Variants in AUTS2 observed in about 807,000 individuals in gnomAD.
AUTS2 encodes autism susceptibility gene 2 protein.
A neutral mutation model predicts 112.4 loss-of-function variants in AUTS2; 17 were observed. The observed-to-expected ratio is 0.15, with a 90% confidence interval of 0.10 to 0.23. AUTS2 has a LOEUF of 0.23. Among genes scored for constraint, AUTS2 ranks in the 10% least tolerant of loss-of-function variants. The probability of loss-of-function intolerance (pLI) is 1.00; values close to 1 mark genes in which losing one functional copy is unlikely to be tolerated. For missense variants in AUTS2, 1,510 were observed against 1,701.6 expected (o/e 0.89, Z 1.98); for synonymous variants, 751 against 702.7 (o/e 1.07, Z -1.09).
intron 4 of AUTS2, among the ~76,000 whole-genome samples, chr7:70,326,031 G>C (rs1790470311): frequency 1.3e-5 from 2 of 152,078 alleles, no homozygotes. Flanking sequence ...CCTGCTTTTT[G>C]CCCTGCTGAT....
At chr7:70,328,153 T>C (rs1790576794) in intron 4 of AUTS2, among the ~76,000 whole-genome samples, 1 of 152,210 alleles carries the variant, frequency 6.6e-6, no homozygotes. Context: ...GCATATACTC[T>C]CTACTCCAGA....
chr7:70,738,302 C>T (rs1787887866), intron 6 of AUTS2, among the ~76,000 whole-genome samples: 2 of 151,924 alleles, frequency 1.3e-5, no homozygotes, highest in Non-Finnish European at 2.9e-5. Context: ...TCCAATTGGC[C>T]AGAGAAATGG....
intron 4 of AUTS2, among the ~76,000 whole-genome samples, chr7:70,366,208 C>T (rs921262938): frequency 2.0e-5 from 3 of 152,180 alleles, no homozygotes; most frequent in African/African-American, 7.2e-5. Context: ...CCTAATTGAA[C>T]ACCACTTGAA....
At chr7:70,255,584 C>T (rs1453912008) in intron 4 of AUTS2, among the ~76,000 whole-genome samples, 2 of 152,198 alleles carry the variant, frequency 1.3e-5, no homozygotes, top group East Asian at 3.9e-4. Context: ...TTTATAACTT[C>T]AGCTTATATG....
chr7:69,944,177 A>G, intron 2 of AUTS2, among the ~76,000 whole-genome samples: 1 of 152,158 alleles, frequency 6.6e-6, no homozygotes, highest in East Asian at 1.9e-4. Flanking sequence ...TGGCATAGAA[A>G]CTCGACTTGT....
At chr7:70,187,862 A>G (rs1456941336) in intron 4 of AUTS2, among the ~76,000 whole-genome samples, 2 of 145,746 alleles carry the variant, frequency 1.4e-5, no homozygotes, top group Non-Finnish European at 3.0e-5. Context: ...TGCTTATGCC[A>G]GGTAGCTGGA....
At chr7:69,789,591 T>C (rs1445501721) in intron 1 of AUTS2, among the ~76,000 whole-genome samples, 4 of 152,192 alleles carry the variant, frequency 2.6e-5, no homozygotes, top group African/African-American at 4.8e-5. Flanking sequence ...ACCAAAGTAC[T>C]TGTTAAGCAG....
chr7:70,485,595 C>G (rs1797960486), intron 5 of AUTS2, among the ~76,000 whole-genome samples: 1 of 152,092 alleles, frequency 6.6e-6, no homozygotes, highest in South Asian at 2.1e-4. Context: ...AACTAAAAAC[C>G]ACCTGTACCC....
At chr7:70,079,125 G>A (rs888323083) in intron 2 of AUTS2, among the ~76,000 whole-genome samples, 6 of 152,132 alleles carry the variant, frequency 3.9e-5, no homozygotes, top group East Asian at 1.9e-4. Flanking sequence ...TGACCTTGTG[G>A]ACTGCGTATC....
intron 2 of AUTS2, among the ~76,000 whole-genome samples, chr7:69,915,958 A>G (rs1049419922): frequency 9.9e-5 from 15 of 152,198 alleles, no homozygotes; most frequent in Non-Finnish European, 7.3e-5. Context: ...AGCTCAAGCA[A>G]TTCTCTTGCC....
At chr7:70,154,517 A>G (rs1218911586) in intron 4 of AUTS2, among the ~76,000 whole-genome samples, 3 of 152,238 alleles carry the variant, frequency 2.0e-5, no homozygotes, top group Non-Finnish European at 4.4e-5. Flanking sequence ...TTAAGGAGAC[A>G]GGGAAACAAG....
rs567593993 is a variant in AUTS2, at chr7:69,665,916, G to A, written c.309+65954G>A. 1.9e-4 allele frequency among the ~76,000 whole-genome samples: 29 copies of A among 152,216 alleles called. 1 individual carries two copies. Among genetic ancestry groups the A allele is most frequent in the Middle Eastern group, 3.4e-3 (1 of 294 alleles). On this transcript the variant is annotated intron_variant, in intron 1 of 18. Coordinates refer to ENST00000342771, the MANE Select transcript of AUTS2 (RefSeq NM_015570.4). ...TGTGAAGTTAGGCCATTAGAAATGCGCATACCTGGACCATATTATTTAGGC... is the reference window on the plus strand; with the variant it reads ...TGTGAAGTTAGGCCATTAGAAATGCACATACCTGGACCATATTATTTAGGC...
At chr7:70,509,340 T>A (rs1214336341) in intron 5 of AUTS2, among the ~76,000 whole-genome samples, 1 of 152,162 alleles carries the variant, frequency 6.6e-6, no homozygotes, top group East Asian at 1.9e-4. Context: ...GGGAGAGGCA[T>A]TGGGACTATG....
intron 4 of AUTS2, among the ~76,000 whole-genome samples, chr7:70,281,097 T>TG (rs1489678012): frequency 1.3e-5 from 2 of 152,220 alleles, no homozygotes; most frequent in African/African-American, 4.8e-5. Context: ...ATCCAAACTA[T>TG]GAACTTTATG....
At position 69,607,293 on chromosome 7, in the gene AUTS2, C is replaced by T. The variant is rs138346556; in HGVS notation, c.309+7331C>T. Among the ~76,000 whole-genome samples, 10 of 152,236 alleles carry T rather than the reference C, an allele frequency of 6.6e-5. 1 individual carries two copies. Among genetic ancestry groups the T allele is most frequent in the African/African-American group, 9.6e-5 (4 of 41,546 alleles). On this transcript the variant is annotated intron_variant, in intron 1 of 18. Transcript: ENST00000342771. ...TCTCTTAGGGTCCAGTTAGATTCCC[C>T]GCTCACCTGCTGCCCACCTCCCTCC...
intron 4 of AUTS2, among the ~76,000 whole-genome samples, chr7:70,397,396 G>A (rs1794136187): frequency 6.6e-6 from 1 of 151,896 alleles, no homozygotes; most frequent in Admixed American, 6.6e-5. Context: ...ACATGCACTA[G>A]TGTCTACTTG....
At chr7:70,383,277 C>A (rs1793455075) in intron 4 of AUTS2, among the ~76,000 whole-genome samples, 1 of 152,004 alleles carries the variant, frequency 6.6e-6, no homozygotes, top group African/African-American at 2.4e-5. Flanking sequence ...TGTCATGGTC[C>A]TTGACAGGGA....
intron 2 of AUTS2, among the ~76,000 whole-genome samples, chr7:69,911,957 C>T (rs1318311220): frequency 6.6e-6 from 1 of 152,164 alleles, no homozygotes; most frequent in African/African-American, 2.4e-5. Flanking sequence ...TGTCTGCCTC[C>T]CACCATCAAT....
chr7:70,072,400 G>A (rs977328110), intron 2 of AUTS2, among the ~76,000 whole-genome samples: 5 of 152,134 alleles, frequency 3.3e-5, no homozygotes, highest in African/African-American at 7.2e-5. Flanking sequence ...GCCATTCACA[G>A]CTGTTGTCCT....
Sources: gnomAD v4.1 joint callset for allele counts (sites outside exome capture counted in the v4.1 genomes callset) on GRCh38, gnomAD v4.1.1 for gene constraint, MANE v1.5 for transcripts, NCBI Gene and HGNC (gene_info 2026-07-23, HGNC 2026-07-21) for gene names.